Variants in COL4A1 observed in about 807,000 individuals in gnomAD.
COL4A1 encodes the protein collagen alpha-1(IV) chain.
COL4A1 carries 40 observed loss-of-function variants against 216.6 expected under a neutral mutation model. The ratio of observed to expected loss-of-function variants is 0.18; its 90% CI spans 0.14 to 0.24. The LOEUF is 0.24. Among genes scored for constraint, COL4A1 ranks in the 10% least tolerant of loss-of-function variants. The pLI, the probability that COL4A1 is intolerant of heterozygous loss-of-function variation, is 1.00. For synonymous variants in COL4A1, 839 were observed against 810.7 expected (o/e 1.03, Z -0.59); for missense variants, 1,628 against 2,196.8 (o/e 0.74, Z 5.18).
At chr13:110,182,928 C>A in intron 28 of COL4A1, 65 bp downstream of exon 28, 1 of 1,462,234 alleles carries the variant, frequency 6.8e-7, no homozygotes, top group South Asian at 1.2e-5. Context: ...TGATGTCTAC[C>A]ACCTCCTCTT....
chr13:110,186,233 G>T, intron 26 of COL4A1, 152 bp downstream of exon 26: 1 of 950,484 alleles, frequency 1.1e-6, no homozygotes, highest in Non-Finnish European at 1.7e-6. Flanking sequence ...AAGGCTGAAG[G>T]CTTGCCCAGG....
Position 110,183,670 on chromosome 13 carries a change from G to C in COL4A1, c.1898-394C>G, listed in dbSNP as rs117084627. ...TCTCTCTCAATTTACCAAAGTCTAA[G>C]TTGCTTTGAGATTGACCTAAATTAC... is the stretch of plus-strand genomic sequence containing the variant. On this transcript the variant is annotated intron_variant, in intron 26 of 51. Coordinates refer to ENST00000375820, the MANE Select transcript of COL4A1 (RefSeq NM_001845.6). Among the ~76,000 whole-genome samples the C allele has an allele frequency of 5.2e-3, 786 of 152,336 alleles. 2 individuals carry two copies. The highest frequency in any genetic ancestry group is 8.3e-3 in the Non-Finnish European group (563 of 68,030).
intron 1 of COL4A1, among the ~76,000 whole-genome samples, chr13:110,253,089 TG>T (rs1330538743): frequency 1.7e-5 from 2 of 118,902 alleles, no homozygotes; most frequent in Admixed American, 9.4e-5. Context: ...TAAGTACGTA[TG>T]TATTACATAT....
intron 1 of COL4A1, among the ~76,000 whole-genome samples, chr13:110,254,133 G>A (rs1012151167): frequency 6.6e-6 from 1 of 152,162 alleles, no homozygotes; most frequent in South Asian, 2.1e-4. Flanking sequence ...TTTGAAACCA[G>A]AGGATCACTT....
Position 110,253,453 on chromosome 13 carries a change from T to G in COL4A1, c.85-10719A>C, listed in dbSNP as rs1340416049. Among the ~76,000 whole-genome samples, 34 of 34,760 alleles carry G rather than the reference T, an allele frequency of 9.8e-4. 2 individuals carry two copies. Among genetic ancestry groups the G allele is most frequent in the African/African-American group, 2.2e-3 (32 of 14,310 alleles). The allele number at this position is 34,760 out of a possible 152,430, so 22.8% of individuals were successfully genotyped here. On this transcript the variant is annotated intron_variant, in intron 1 of 51. Coordinates refer to ENST00000375820, the MANE Select transcript of COL4A1 (RefSeq NM_001845.6). ...TATATGTATTACATATACATATAAT[T>G]ATATGTATTACATATACATATAATT...
intron 1 of COL4A1, among the ~76,000 whole-genome samples, chr13:110,248,287 G>C (rs1881920642): frequency 6.6e-6 from 1 of 152,202 alleles, no homozygotes; most frequent in Non-Finnish European, 1.5e-5. Flanking sequence ...CGCAGCAAGC[G>C]CGGGCCCCAC....
chr13:110,272,813 C>T (rs1320924988), intron 1 of COL4A1, among the ~76,000 whole-genome samples: 1 of 152,212 alleles, frequency 6.6e-6, no homozygotes, highest in Non-Finnish European at 1.5e-5. Flanking sequence ...TGGAATGTCA[C>T]CTCTACTATG....
intron 1 of COL4A1, among the ~76,000 whole-genome samples, chr13:110,246,965 G>T (rs1222756234): frequency 1.3e-5 from 2 of 152,128 alleles, no homozygotes; most frequent in Non-Finnish European, 2.9e-5. Context: ...GTTCTCAAAG[G>T]AAAGAAAGGC....
At chr13:110,183,341 A>G in intron 26 of COL4A1, 65 bp from the exon 27 acceptor site, 1 of 1,492,620 alleles carries the variant, frequency 6.7e-7, no homozygotes, top group Non-Finnish European at 9.2e-7. Context: ...CACAGGGAGG[A>G]CACGCAGTGG....
chr13:110,189,364 T>C (rs1177373506), intron 24 of COL4A1, among the ~76,000 whole-genome samples: 1 of 152,212 alleles, frequency 6.6e-6, no homozygotes, highest in Non-Finnish European at 1.5e-5. Context: ...TACCCAGCAG[T>C]GACTGCATTT....
chr13:110,150,999 A>G (rs1006506326), intron 51 of COL4A1, among the ~76,000 whole-genome samples: 6 of 152,244 alleles, frequency 3.9e-5, no homozygotes, highest in African/African-American at 1.4e-4. Flanking sequence ...TTTGAGACCA[A>G]AAAGAGGGAA....
At chr13:110,163,207 T>A (rs1877166643) in intron 47 of COL4A1, among the ~76,000 whole-genome samples, 1 of 152,244 alleles carries the variant, frequency 6.6e-6, no homozygotes, top group Non-Finnish European at 1.5e-5. Flanking sequence ...GGAAACCACA[T>A]GGGCCACCAC....
At chr13:110,170,043 AGGAG>A (rs1263013556) in intron 42 of COL4A1, among the ~76,000 whole-genome samples, 1 of 124,810 alleles carries the variant, frequency 8.0e-6, no homozygotes, top group East Asian at 2.9e-4. Context: ...AAGGGAGGGA[AGGAG>A]GGAGGAAGGA....
At chr13:110,181,909 A>T (rs561359165) in intron 28 of COL4A1, among the ~76,000 whole-genome samples, 1 of 152,298 alleles carries the variant, frequency 6.6e-6, no homozygotes, top group East Asian at 1.9e-4. Context: ...GCCAGCCACT[A>T]GTTCAGACCC....
chr13:110,249,133 G>A (rs562140526), intron 1 of COL4A1, among the ~76,000 whole-genome samples: 57 of 152,010 alleles, frequency 3.7e-4, no homozygotes, highest in Non-Finnish European at 7.5e-4. Flanking sequence ...ATTCAAGAAC[G>A]GAGGCATCTG....
At chr13:110,216,601 A>G (rs1277445253) in intron 2 of COL4A1, among the ~76,000 whole-genome samples, 2 of 152,228 alleles carry the variant, frequency 1.3e-5, no homozygotes, top group African/African-American at 4.8e-5. Flanking sequence ...ATAATTCTCA[A>G]TTTAACCATG....
intron 2 of COL4A1, among the ~76,000 whole-genome samples, chr13:110,219,967 C>CAT (rs71127921): frequency 0.84 from 112,296 of 133,962 alleles, 47,086 homozygotes; most frequent in East Asian, 0.95. Context: ...CATACATATA[C>CAT]ATATATATAT....
At chr13:110,199,217 C>T (rs1879049277) in intron 20 of COL4A1, among the ~76,000 whole-genome samples, 2 of 152,220 alleles carry the variant, frequency 1.3e-5, no homozygotes. Flanking sequence ...AGTGGTGGTG[C>T]AGGAGGCTGC....
At chr13:110,251,502 C>A (rs893128032) in intron 1 of COL4A1, among the ~76,000 whole-genome samples, 4 of 152,238 alleles carry the variant, frequency 2.6e-5, no homozygotes, top group Non-Finnish European at 4.4e-5. Context: ...AGGCACCCCC[C>A]AGTGCTAAGA....
Sources: gnomAD v4.1 joint callset for allele counts (sites outside exome capture counted in the v4.1 genomes callset) on GRCh38, gnomAD v4.1.1 for gene constraint, MANE v1.5 for transcripts, NCBI Gene and HGNC (gene_info 2026-07-23, HGNC 2026-07-21) for gene names.